CA10: variants seen among roughly 807,000 people sequenced by gnomAD.
The protein encoded by CA10 is carbonic anhydrase 10 (inactive).
Under a neutral mutation model 44.2 loss-of-function variants are expected in CA10, and 14 were observed. The ratio of observed to expected loss-of-function variants is 0.32; its 90% CI spans 0.21 to 0.50. CA10 has a LOEUF of 0.50. Ranked by LOEUF, CA10 falls within the 20% of genes least tolerant of loss-of-function variation. The pLI is 0.99. For synonymous variants in CA10, 159 were observed against 141.6 expected (o/e 1.12, Z -0.87); for missense variants, 350 against 409.7 (o/e 0.85, Z 1.26).
chr17:51,936,640 A>AGAGAGGAAGTCAGTCGACTTGCGCCT (rs1213427393), intron 2 of CA10, among the ~76,000 whole-genome samples: 1 of 152,178 alleles, frequency 6.6e-6, no homozygotes, highest in Non-Finnish European at 1.5e-5. Context: ...GACCAGGAAC[A>AGAGAGGAAGTCAGTCGACTTGCGCCT]GATGGCTCAG....
intron 2 of CA10, among the ~76,000 whole-genome samples, chr17:51,957,748 T>A (rs190113556): frequency 6.6e-6 from 1 of 152,238 alleles, no homozygotes; most frequent in African/African-American, 2.4e-5. Context: ...ATTCAACTAT[T>A]TTCTGCTCTC....
intron 1 of CA10, among the ~76,000 whole-genome samples, chr17:52,142,455 G>A (rs1246877990): frequency 2.6e-5 from 4 of 152,056 alleles, no homozygotes; most frequent in African/African-American, 9.7e-5. Flanking sequence ...TGTACTAAAT[G>A]CTTTACTTTC....
chr17:51,706,826 C>T (rs1293862264), intron 4 of CA10, among the ~76,000 whole-genome samples: 1 of 152,162 alleles, frequency 6.6e-6, no homozygotes, highest in Non-Finnish European at 1.5e-5. Flanking sequence ...GGCCGGAAAC[C>T]TCTCTACCTA....
intron 3 of CA10, among the ~76,000 whole-genome samples, chr17:51,895,679 G>A (rs1276381902): frequency 1.3e-5 from 2 of 151,968 alleles, no homozygotes; most frequent in Non-Finnish European, 2.9e-5. Context: ...CAAAATTCAA[G>A]ATAATTTTTA....
intron 1 of CA10, among the ~76,000 whole-genome samples, chr17:52,130,106 T>C (rs138921356): frequency 0.012 from 1,812 of 152,258 alleles, 23 homozygotes; most frequent in Admixed American, 0.037. Context: ...CAATGAGATA[T>C]CACCTTATTC....
At chr17:51,996,294 C>T (rs1440441009) in intron 2 of CA10, among the ~76,000 whole-genome samples, 2 of 151,480 alleles carry the variant, frequency 1.3e-5, no homozygotes, top group Non-Finnish European at 2.9e-5. Context: ...TCCTCTTTCA[C>T]CTTTTTATAT....
At chr17:51,987,620 T>C (rs1243207413) in intron 2 of CA10, among the ~76,000 whole-genome samples, 1 of 151,948 alleles carries the variant, frequency 6.6e-6, no homozygotes, top group Non-Finnish European at 1.5e-5. Context: ...TTCAGAATAT[T>C]CTATGTGCCA....
chr17:51,773,823 G>A (rs1479526198), intron 3 of CA10, among the ~76,000 whole-genome samples: 1 of 152,106 alleles, frequency 6.6e-6, no homozygotes, highest in Non-Finnish European at 1.5e-5. Flanking sequence ...CCTGCTTTCA[G>A]AACTCTCAGA....
chr17:51,705,517 T>C (rs1915736913), intron 4 of CA10, among the ~76,000 whole-genome samples: 1 of 152,118 alleles, frequency 6.6e-6, no homozygotes, highest in Non-Finnish European at 1.5e-5. Flanking sequence ...AGCATTCGTC[T>C]GAACAAACAT....
At chr17:51,705,748 C>T (rs1409061819) in intron 4 of CA10, among the ~76,000 whole-genome samples, 1 of 152,144 alleles carries the variant, frequency 6.6e-6, no homozygotes, top group East Asian at 1.9e-4. Flanking sequence ...GGGGAGGACC[C>T]TTTTGAACCA....
At chr17:51,849,210 T>TAC (rs1467478434) in intron 3 of CA10, among the ~76,000 whole-genome samples, 31 of 56,196 alleles carry the variant, frequency 5.5e-4, no homozygotes, top group African/African-American at 3.1e-3. Flanking sequence ...TATATGTATA[T>TAC]ATATATATAC....
chr17:51,639,017 GACCAC>G (rs1012034785), intron 6 of CA10, among the ~76,000 whole-genome samples: 7 of 152,126 alleles, frequency 4.6e-5, no homozygotes, highest in African/African-American at 1.4e-4. Flanking sequence ...GGTCAGCACA[GACCAC>G]ACCAGAAGGT....
intron 4 of CA10, among the ~76,000 whole-genome samples, chr17:51,702,542 A>C (rs1013642659): frequency 6.6e-6 from 1 of 152,194 alleles, no homozygotes; most frequent in African/African-American, 2.4e-5. Flanking sequence ...TCATGAAGGC[A>C]GAGGAGGTGC....
intron 3 of CA10, among the ~76,000 whole-genome samples, chr17:51,923,657 A>G (rs1333784617): frequency 6.6e-6 from 1 of 152,204 alleles, no homozygotes; most frequent in Non-Finnish European, 1.5e-5. Context: ...GTTCAGAGGA[A>G]AATTTTAAAA....
intron 3 of CA10, among the ~76,000 whole-genome samples, chr17:51,871,701 CTTTT>C (rs112702385): frequency 3.4e-5 from 5 of 147,138 alleles, no homozygotes; most frequent in African/African-American, 9.9e-5. Flanking sequence ...CTTCTTTAAA[CTTTT>C]TTTTTTTGAG....
chr17:51,820,936 G>T (rs1241510374), intron 3 of CA10, among the ~76,000 whole-genome samples: 7 of 151,770 alleles, frequency 4.6e-5, no homozygotes, highest in African/African-American at 1.7e-4. Flanking sequence ...GAAATCTTGA[G>T]GATTGTTACC....
At chr17:51,921,947 C>A (rs1010318149) in intron 3 of CA10, among the ~76,000 whole-genome samples, 4 of 152,126 alleles carry the variant, frequency 2.6e-5, no homozygotes, top group African/African-American at 7.2e-5. Flanking sequence ...GAGTTGAAAT[C>A]ACTTCACCTC....
chr17:51,714,321 A>G (rs891138596), intron 4 of CA10, among the ~76,000 whole-genome samples: 2 of 152,328 alleles, frequency 1.3e-5, no homozygotes, highest in Non-Finnish European at 2.9e-5. Flanking sequence ...TTTGCAATTT[A>G]TGTAATCTTG....
intron 3 of CA10, among the ~76,000 whole-genome samples, chr17:51,754,353 A>G (rs963925996): frequency 1.4e-5 from 2 of 144,996 alleles, no homozygotes; most frequent in African/African-American, 5.1e-5. Flanking sequence ...GGTAAAATAA[A>G]GAGACAACAC....
Sources: allele counts gnomAD v4.1 joint callset (sites outside exome capture counted in the v4.1 genomes callset), GRCh38; gene constraint gnomAD v4.1.1; transcripts MANE v1.5; gene names NCBI Gene and HGNC (gene_info 2026-07-23, HGNC 2026-07-21).